Variants in XPO5 observed in about 807,000 individuals in gnomAD.
XPO5 encodes the protein exportin 5.
In XPO5, 46 loss-of-function variants were observed where a neutral mutation model predicts 160.6. That is an observed-to-expected ratio of 0.29 (90% confidence interval 0.23 to 0.37). The LOEUF (loss-of-function observed/expected upper bound fraction) is 0.37. Ranked by LOEUF, XPO5 falls within the 10% of genes least tolerant of loss-of-function variation. The probability of loss-of-function intolerance (pLI) is 1.00; values close to 1 mark genes in which losing one functional copy is unlikely to be tolerated. For missense variants in XPO5, 1,090 were observed against 1,463.9 expected, an observed-to-expected ratio of 0.74 and a Z score of 4.17; for synonymous variants, 537 against 519.3, an observed-to-expected ratio of 1.03 and a Z score of -0.46.
In XPO5 at chr6:43,570,494, T is replaced by G; in HGVS notation, c.621+8A>C. Reference sequence around the variant, plus strand: ...AATAGAAATGTTATAGGTAGGGGTATCCCTTACCACTTGCTGATACTTGTT... The same window carrying G: ...AATAGAAATGTTATAGGTAGGGGTAGCCCTTACCACTTGCTGATACTTGTT... On this transcript the variant is annotated splice_region_variant and intron_variant, in intron 5 of 31. Transcript: ENST00000265351. 6.2e-7 allele frequency: 1 copy of G among 1,611,010 alleles called. No homozygotes were observed.
intron 12 of XPO5, 32 bp downstream of exon 12, chr6:43,558,469 G>A: frequency 1.3e-6 from 2 of 1,550,056 alleles, no homozygotes; most frequent in Non-Finnish European, 1.7e-6. Flanking sequence ...TTCTGAGACT[G>A]TTGAGAGAAA....
intron 3 of XPO5, 127 bp downstream of exon 3, chr6:43,572,379 A>C: frequency 2.2e-6 from 2 of 927,610 alleles, no homozygotes; most frequent in East Asian, 2.5e-5. Flanking sequence ...GCCTGGCCTA[A>C]ATTATGATTT....
intron 7 of XPO5, among the ~76,000 whole-genome samples, chr6:43,566,347 T>A (rs1382603248): frequency 6.6e-6 from 1 of 151,792 alleles, no homozygotes; most frequent in East Asian, 1.9e-4. Context: ...TGAGCTGAGA[T>A]TGCGCCACTG....
At chr6:43,545,505 G>A (rs960662627) in intron 20 of XPO5, among the ~76,000 whole-genome samples, 2 of 152,150 alleles carry the variant, frequency 1.3e-5, no homozygotes, top group South Asian at 2.1e-4. Flanking sequence ...CCAGGAGTTC[G>A]AGACCAGCCT....
chr6:43,568,767 T>C, intron 5 of XPO5, 30 bp from the exon 6 acceptor site: 1 of 1,554,892 alleles, frequency 6.4e-7, no homozygotes, highest in Non-Finnish European at 8.7e-7. Flanking sequence ...TCCAGTGTTT[T>C]TAATGAGCAA....
intron 2 of XPO5, among the ~76,000 whole-genome samples, chr6:43,572,906 C>T (rs1012318462): frequency 1.2e-4 from 19 of 152,194 alleles, no homozygotes; most frequent in African/African-American, 4.1e-4. Context: ...AATGTACTTG[C>T]TTTTCAGAAA....
At chr6:43,553,319 G>GA in intron 14 of XPO5, 54 bp downstream of exon 14, 1 of 1,559,672 alleles carries the variant, frequency 6.4e-7, no homozygotes, top group South Asian at 1.2e-5. Flanking sequence ...AAAGAGAAAA[G>GA]AAAAGAAAAA....
chr6:43,566,625 A>G, intron 7 of XPO5: 1 of 424,278 alleles, frequency 2.4e-6, no homozygotes, highest in Non-Finnish European at 4.8e-6. Context: ...CCTGGCTAAC[A>G]TGGCAAAACC....
At chr6:43,562,507 T>TA in intron 8 of XPO5, 161 bp from the exon 9 acceptor site, 1 of 599,814 alleles carries the variant, frequency 1.7e-6, no homozygotes, top group East Asian at 2.9e-5. Context: ...CTTTTTAACT[T>TA]ATTTGGTGGC....
At chr6:43,531,391 T>C in intron 22 of XPO5, 88 bp downstream of exon 22, 2 of 1,227,074 alleles carry the variant, frequency 1.6e-6, no homozygotes, top group Non-Finnish European at 2.4e-6. Context: ...GCCTTACCTG[T>C]ACACTAGATG....
Position 43,554,560 on chromosome 6 carries a change from G to T in XPO5, c.1442-1057C>A, listed in dbSNP as rs560957466. Among the ~76,000 whole-genome samples the T allele has an allele frequency of 3.1e-3, 468 of 151,902 alleles. 2 individuals are homozygous for T. The highest frequency in any genetic ancestry group is 0.029 in the South Asian group (141 of 4,800). ...CTGCCTCAGCCTCCTGAGTAGCTAG[G>T]ATTAAAGGGGCCCACCACCACGCCT... On this transcript the variant is annotated intron_variant, in intron 13 of 31. Transcript: ENST00000265351.
Position 43,522,980 on chromosome 6 carries a change from C to T in XPO5, c.*888G>A, listed in dbSNP as rs1239605707. On this transcript the variant is annotated 3_prime_UTR_variant, in exon 32 of 32. Coordinates refer to ENST00000265351, the MANE Select transcript of XPO5 (RefSeq NM_020750.3). ...AAAGACCATGAGATTGTGGAAGGCA[C>T]CTGGACTTAGTCCTAGGAGAAGACC... 5.7e-6 allele frequency: 1 copy of T among 173,938 alleles called. No homozygotes were observed. Among genetic ancestry groups the T allele is most frequent in the Non-Finnish European group, 1.3e-5 (1 of 79,414 alleles). The allele number at this position is 173,938 out of a possible 1,614,324, so 10.8% of individuals were successfully genotyped here. A position where few individuals can be genotyped will look rare whatever the true frequency, so the allele number is the denominator to read the frequency against.
At position 43,524,794 on chromosome 6, in the gene XPO5, G is replaced by A. The variant is rs751772983; in HGVS notation, c.3312+37C>T. 2.5e-6 allele frequency: 4 copies of A among 1,583,968 alleles called. No individual in the cohort carries two copies. In the South Asian group the frequency reaches 4.4e-5, roughly 17 times the overall value. On this transcript the variant is annotated intron_variant, in intron 30 of 31. Transcript: ENST00000265351. ...GACTAGGAGCAGACTGAGTGATGAA[G>A]CTGCAGCCATCCTTCCCCCATGCCT...
At chr6:43,536,326 A>G (rs2127714070) in intron 20 of XPO5, among the ~76,000 whole-genome samples, 2 of 151,974 alleles carry the variant, frequency 1.3e-5, no homozygotes, top group South Asian at 4.2e-4. Flanking sequence ...AAGGCATAAG[A>G]ATCGCTTGAA....
intron 20 of XPO5, among the ~76,000 whole-genome samples, chr6:43,545,816 C>A (rs1250658142): frequency 1.3e-5 from 2 of 152,122 alleles, no homozygotes; most frequent in African/African-American, 2.4e-5. Flanking sequence ...TAGAGACCAT[C>A]CCTGAGTCAT....
Position 43,570,544 on chromosome 6 carries a change from C to T in XPO5, c.579G>A (p.Leu193=), listed in dbSNP as rs1488551466. 1 of 1,613,580 alleles carries T rather than the reference C, an allele frequency of 6.2e-7. No individual in the cohort carries two copies. Among genetic ancestry groups the T allele is most frequent in the Admixed American group, 1.7e-5 (1 of 59,950 alleles). The change falls in exon 5 of 32, where the codon CTG becomes CTA. Residue 193 remains leucine (L), a synonymous_variant. Coordinates refer to ENST00000265351, the MANE Select transcript of XPO5 (RefSeq NM_020750.3). The part of the protein sequence containing the change: ...TQNMERIFSF[L]LNTLQENVNK... ...TTACATTTTCTTGAAGTGTGTTAAG[C>T]AGAAAACTGAAGATCCTTTCCATGT...
intron 17 of XPO5, among the ~76,000 whole-genome samples, chr6:43,549,155 G>A (rs767308969): frequency 6.6e-6 from 1 of 152,114 alleles, no homozygotes; most frequent in Non-Finnish European, 1.5e-5. Flanking sequence ...TCCGCCTCCT[G>A]AGTTCAAGTG....
chr6:43,572,342 G>A (rs913620605), intron 3 of XPO5, among the ~76,000 whole-genome samples, 164 bp downstream of exon 3: 14 of 152,188 alleles, frequency 9.2e-5, no homozygotes, highest in African/African-American at 2.7e-4. Flanking sequence ...TTCCCAAAGC[G>A]CTAGAATTAC....
chr6:43,523,408 A>G lies in XPO5; in HGVS notation c.*460T>C, dbSNP rs888147021. 1 of 296,752 alleles carries G rather than the reference A, an allele frequency of 3.4e-6. No homozygotes were observed. The allele number at this position is 296,752 out of a possible 1,614,324, so 18.4% of individuals were successfully genotyped here. On this transcript the variant is annotated 3_prime_UTR_variant, in exon 32 of 32. Transcript: ENST00000265351. ...GAAAGTTTCCTGCCAGCCCAGCAGC[A>G]AAAGGGCTCAGTGGGAGTTGGAGTG... is the stretch of plus-strand genomic sequence containing the variant.
Sources: gnomAD v4.1 joint callset for allele counts (sites outside exome capture counted in the v4.1 genomes callset) on GRCh38, gnomAD v4.1.1 for gene constraint, MANE v1.5 for transcripts, NCBI Gene and HGNC (gene_info 2026-07-23, HGNC 2026-07-21) for gene names.